The following SIGIRR variants were observed in gnomAD, a reference collection of about 807,000 sequenced individuals.
SIGIRR encodes the protein single Ig and TIR domain containing.
In SIGIRR, 41 loss-of-function variants were observed where a neutral mutation model predicts 45.6. The ratio of observed to expected loss-of-function variants is 0.90; its 90% CI spans 0.70 to 1.17. The LOEUF is 1.17. Among genes scored for constraint, SIGIRR ranks in the 50% most tolerant of loss-of-function variants. SIGIRR has a pLI of 0.00. For missense variants in SIGIRR, 599 were observed against 539.6 expected, an observed-to-expected ratio of 1.11 and a Z score of -1.09; for synonymous variants, 298 against 239.0, an observed-to-expected ratio of 1.25 and a Z score of -2.28.
Position 408,878 on chromosome 11 carries a change from G to A in SIGIRR, c.23C>T (p.Ala8Val). The A allele has an allele frequency of 1.9e-6, 3 of 1,612,612 alleles. No homozygotes were observed. Among genetic ancestry groups the A allele is most frequent in the Non-Finnish European group, 2.5e-6 (3 of 1,179,956 alleles). Residue 8 changes from alanine to valine, a missense_variant, in exon 3 of 10, where the codon GCC becomes GTC. Physicochemically the swap from Ala to Val is moderately conservative, Grantham distance 64. Coordinates refer to ENST00000431843, the MANE Select transcript of SIGIRR (RefSeq NM_001135054.2). ...TTCAGACGGGGAGAGGAAGTCAGGG[G>A]CCCTATCACAGACACCTGAAGAGAG... MPGVCDRAPDFLSPSEDQ... is the reference protein window; with the variant it reads MPGVCDRVPDFLSPSEDQ...
chr11:409,772 G>C (rs940447364), intron 2 of SIGIRR, 96 bp downstream of exon 2: 20 of 1,296,388 alleles, frequency 1.5e-5, no homozygotes, highest in Non-Finnish European at 2.0e-5. Context: ...CAGGCAGAGT[G>C]CCTGGGATAA....
rs767154097 is a variant in SIGIRR, at chr11:407,099, C to T, written c.691G>A (p.Ala231Thr). Residue 231 changes from alanine to threonine, a missense_variant, in exon 7 of 10, where the codon GCC becomes ACC. Transcript: ENST00000431843. ...CRRLIVVLSDAFLSRAWCSHS... is the reference protein window; with the variant it reads ...CRRLIVVLSDTFLSRAWCSHS... ...CTGCACCAGGCCCGGCTCAGGAAGG[C>T]GTCCGAAAGCACCACGATGAGGCGT... 1 of 1,539,974 alleles carries T rather than the reference C, an allele frequency of 6.5e-7. No individual in the cohort carries two copies. The highest frequency in any genetic ancestry group is 8.7e-7 in the Non-Finnish European group (1 of 1,148,472).
At chr11:407,366 T>TGGGGCGGGGCGGAGCATGGGGCGGGGC (rs1554922385) in intron 6 of SIGIRR, 59 bp downstream of exon 6, 53 of 1,221,656 alleles carry the variant, frequency 4.3e-5, no homozygotes, top group Non-Finnish European at 5.6e-5. Context: ...GGACGGAGCA[T>TGGGGCGGGGCGGAGCATGGGGCGGGGC]GGGGCGGGGC....
rs1448177042 is a variant in SIGIRR at position 408,868 on chromosome 11, G to A, written c.33C>T (p.Phe11=). 1 of 1,612,590 alleles carries A rather than the reference G, an allele frequency of 6.2e-7. No homozygotes were observed. The highest frequency in any genetic ancestry group is 1.3e-5 in the African/African-American group (1 of 74,928). Residue 11 remains phenylalanine (F), a synonymous_variant, in exon 3 of 10, where the codon TTC becomes TTT. Transcript: ENST00000431843. ...GCACCTGGTCTTCAGACGGGGAGAG[G>A]AAGTCAGGGGCCCTATCACAGACAC... MPGVCDRAPD[F]LSPSEDQVLR... is the part of the protein sequence containing the mutation.
chr11:408,175 A>G lies in SIGIRR; in HGVS notation c.238T>C (p.Ser80Pro). The G allele has an allele frequency of 6.2e-7, 1 of 1,612,716 alleles. No individual in the cohort carries two copies. The highest frequency in any genetic ancestry group is 1.1e-5 in the South Asian group (1 of 91,090). ...GTCACGTTGACCCCCAGGACACTGGACACAAGCACCTCTGACAGGTTGGCC... is the reference window on the plus strand; with the variant it reads ...GTCACGTTGACCCCCAGGACACTGGGCACAAGCACCTCTGACAGGTTGGCC... ...VKANLSEVLV[S>P]SVLGVNVTST... is the part of the protein sequence containing the mutation. Residue 80 changes from serine to proline, a missense_variant, in exon 4 of 10, where the codon TCC (serine) becomes CCC (proline). Coordinates refer to ENST00000431843, the MANE Select transcript of SIGIRR (RefSeq NM_001135054.2).
At chr11:408,307 C>T (rs2133625542) in intron 3 of SIGIRR, 101 bp from the exon 4 acceptor site, 2 of 1,484,550 alleles carry the variant, frequency 1.3e-6, no homozygotes, top group Non-Finnish European at 1.8e-6. Context: ...AGAATTGGGC[C>T]TCCTGGGTGG....
chr11:406,844 A>G lies in SIGIRR; in HGVS notation c.878T>C (p.Val293Ala). ...GACCCTCCCGCGCCTGCTCCGCACC[A>G]CGGAGCCGGGCCTCCAGAGCAGCAA... ...VTLLLWRPGSVTPSSDFWKEV... is the reference protein window; with the variant it reads ...VTLLLWRPGSATPSSDFWKEV... Residue 293 changes from valine to alanine, a missense_variant and splice_region_variant, in exon 8 of 10, where the codon GTG becomes GCG. By Grantham distance (64) the Val-to-Ala change is moderately conservative. Coordinates refer to ENST00000431843, the MANE Select transcript of SIGIRR (RefSeq NM_001135054.2). 1 of 1,554,340 alleles carries G rather than the reference A, an allele frequency of 6.4e-7. No individual in the cohort carries two copies. Among genetic ancestry groups the G allele is most frequent in the East Asian group, 2.3e-5 (1 of 42,574 alleles).
At position 406,976 on chromosome 11, in the gene SIGIRR, A is replaced by G. The variant is rs1847343076; in HGVS notation, c.746T>C (p.Leu249Pro). The change falls in exon 8 of 10, where the codon CTG (leucine) becomes CCG (proline). Residue 249 changes from leucine (L) to proline (P), a missense_variant. By Grantham distance (98) the Leu-to-Pro change is moderately conservative (BLOSUM62 -3). Transcript: ENST00000431843. ...GATGGGTCTGCGGGTGAGCTCCAGC[A>G]GCCGGCACAGGCCCTCCCTGCGGGG... ...SHSFREGLCRLLELTRRPIFI... is the reference protein window; with the variant it reads ...SHSFREGLCRPLELTRRPIFI... The G allele has an allele frequency of 6.2e-7, 1 of 1,600,808 alleles. No homozygotes were observed. The highest frequency in any genetic ancestry group is 1.3e-5 in the African/African-American group (1 of 74,362).
intron 4 of SIGIRR, 49 bp from the exon 5 acceptor site, chr11:408,006 T>G (rs948315663): frequency 6.2e-7 from 1 of 1,604,292 alleles, no homozygotes; most frequent in African/African-American, 1.3e-5. Flanking sequence ...CCCCCAAGCC[T>G]CAAGATCCCT....
intron 3 of SIGIRR, 117 bp downstream of exon 3, chr11:408,578 C>T: frequency 8.2e-7 from 1 of 1,223,078 alleles, no homozygotes; most frequent in Non-Finnish European, 1.2e-6. Context: ...TCCACAGAGG[C>T]ACTCTGCTCG....
At chr11:410,454 A>G (rs546332720) in intron 1 of SIGIRR, among the ~76,000 whole-genome samples, 2 of 151,982 alleles carry the variant, frequency 1.3e-5, no homozygotes, top group South Asian at 4.2e-4. Context: ...TGTAACCTAC[A>G]CCATGGGAGA....
chr11:412,132 A>T (rs868379039), intron 1 of SIGIRR, among the ~76,000 whole-genome samples: 1 of 10,712 alleles, frequency 9.3e-5, no homozygotes, highest in African/African-American at 3.1e-4. Context: ...AGTCGGGGGG[A>T]GGTGCCCAGC....
chr11:407,347 C>T (rs1847379463), intron 6 of SIGIRR, 78 bp downstream of exon 6: 1 of 1,144,638 alleles, frequency 8.7e-7, no homozygotes, highest in Admixed American at 4.2e-5. Flanking sequence ...GGGGGTGGGG[C>T]CCCGGGTGGG....
chr11:405,920 G>A lies in SIGIRR; in HGVS notation c.1209C>T (p.Cys403=), dbSNP rs1847268105. The part of the protein sequence containing the change: ...RNYSARTDFY[C]LVSKDDM ...GCTACATATCATCCTTGGACACCAGGCAGTAGAAGTCTGTGCGGGCACTGT... is the reference window on the plus strand; with the variant it reads ...GCTACATATCATCCTTGGACACCAGACAGTAGAAGTCTGTGCGGGCACTGT... Residue 403 remains cysteine (C), a synonymous_variant, in exon 10 of 10, where the codon TGC becomes TGT. Transcript: ENST00000431843. 6.2e-7 allele frequency: 1 copy of A among 1,605,474 alleles called. No individual in the cohort carries two copies.
At chr11:411,848 G>T (rs78325587) in intron 1 of SIGIRR, among the ~76,000 whole-genome samples, 26 of 136 alleles carry the variant, frequency 0.19, 5 homozygotes, top group African/African-American at 0.24. Flanking sequence ...GCGGGGGGGG[G>T]GCTCAGCTCT....
chr11:415,396 C>T (rs998139612), upstream of SIGIRR, among the ~76,000 whole-genome samples: 6 of 152,040 alleles, frequency 3.9e-5, no homozygotes, highest in African/African-American at 4.8e-5. This position sits in a 1 kb window ranked among gnomAD's most constrained non-coding sequence, Gnocchi z 6.6. Context: ...AGGAGACCCC[C>T]GCCAGGGCCA....
Position 405,889 on chromosome 11 carries a change from G to A in SIGIRR, c.*7C>T, listed in dbSNP as rs1847265374. 1.9e-6 allele frequency: 3 copies of A among 1,588,136 alleles called. No homozygotes were observed. Among genetic ancestry groups the A allele is most frequent in the Admixed American group, 1.7e-5 (1 of 58,966 alleles). ...TGTCCCTATGATCCTGCACTCTGGG[G>A]TGGGAGCTACATATCATCCTTGGAC... On this transcript the variant is annotated 3_prime_UTR_variant, in exon 10 of 10. Coordinates refer to ENST00000431843, the MANE Select transcript of SIGIRR (RefSeq NM_001135054.2).
chr11:409,054 G>A (rs1051154049), intron 2 of SIGIRR, 161 bp from the exon 3 acceptor site: 19 of 675,080 alleles, frequency 2.8e-5, no homozygotes, highest in African/African-American at 2.3e-4. Context: ...CACTTGGCAC[G>A]TCTTTCCCCA....
chr11:407,493 T>G lies in SIGIRR; in HGVS notation c.557A>C (p.Lys186Thr), dbSNP rs1847397320. 1.3e-6 allele frequency: 2 copies of G among 1,598,272 alleles called. No individual in the cohort carries two copies. The highest frequency in any genetic ancestry group is 1.7e-5 in the Admixed American group (1 of 58,488). ...GCCCCGACGCCGCTCCAGCTGCGGCTTTAGGATGAAGTTCACGAACTTGCG... is the reference window on the plus strand; with the variant it reads ...GCCCCGACGCCGCTCCAGCTGCGGCGTTAGGATGAAGTTCACGAACTTGCG... Reference protein sequence around the residue: ...EDRKFVNFILKPQLERRRGYK... With the variant: ...EDRKFVNFILTPQLERRRGYK... Residue 186 changes from lysine (K) to threonine (T), a missense_variant, in exon 6 of 10, where the codon AAG becomes ACG. Lys to Thr is a moderately conservative substitution (Grantham distance 78, BLOSUM62 -1). Transcript: ENST00000431843.
Sources: allele counts gnomAD v4.1 joint callset (sites outside exome capture counted in the v4.1 genomes callset), GRCh38; gene constraint gnomAD v4.1.1; non-coding constraint Gnocchi (gnomAD v3.1); transcripts MANE v1.5; gene names NCBI Gene and HGNC (gene_info 2026-07-23, HGNC 2026-07-21).